The following GPC6 variants were observed in gnomAD, a reference collection of about 807,000 sequenced individuals.
GPC6 encodes the protein glypican-6.
GPC6 carries 14 observed loss-of-function variants against 55.2 expected under a neutral mutation model. The observed-to-expected ratio is 0.25, with a 90% confidence interval of 0.17 to 0.40. The LOEUF is 0.40. GPC6 is among the 10% of genes least tolerant of loss of function. The pLI is 1.00. For missense variants in GPC6, 641 were observed against 708.5 expected, an observed-to-expected ratio of 0.90 and a Z score of 1.08; for synonymous variants, 278 against 259.6, an observed-to-expected ratio of 1.07 and a Z score of -0.68.
chr13:93,648,480 C>T (rs1204376430), intron 2 of GPC6, among the ~76,000 whole-genome samples: 1 of 152,160 alleles, frequency 6.6e-6, no homozygotes, highest in African/African-American at 2.4e-5. Context: ...GATTTGTGAT[C>T]ATATTTGGCC....
chr13:94,178,277 A>C (rs187486443), intron 4 of GPC6, among the ~76,000 whole-genome samples: 6 of 152,130 alleles, frequency 3.9e-5, no homozygotes, highest in African/African-American at 1.4e-4. Flanking sequence ...GATTACAGGC[A>C]TGAGCCATCG....
chr13:93,784,814 C>T (rs1003007855), intron 2 of GPC6, among the ~76,000 whole-genome samples: 1 of 152,118 alleles, frequency 6.6e-6, no homozygotes, highest in African/African-American at 2.4e-5. Context: ...TATGGTGCCT[C>T]AACACATGTA....
chr13:93,378,792 T>TA (rs2139201237), intron 1 of GPC6, among the ~76,000 whole-genome samples: 1 of 152,116 alleles, frequency 6.6e-6, no homozygotes, highest in South Asian at 2.1e-4. Context: ...GGTCAGGAGT[T>TA]AGAGACCAGC....
rs1025787839 is a variant in GPC6, at chr13:93,258,791, T to TA, written c.160+31184dup. Among the ~76,000 whole-genome samples the TA allele has an allele frequency of 4.3e-4, 65 of 150,864 alleles. No individual in the cohort carries two copies. In the East Asian group the frequency reaches 0.011, roughly 26 times the overall value. Reference sequence around the variant, plus strand: ...CCATCTCTACAGAAAAAATAAAAAATAAAAAAAAATTAGCCTGGTGTGATG... The same window carrying TA: ...CCATCTCTACAGAAAAAATAAAAAATAAAAAAAAAATTAGCCTGGTGTGATG... On this transcript the variant is annotated intron_variant, in intron 1 of 8. Coordinates refer to ENST00000377047, the MANE Select transcript of GPC6 (RefSeq NM_005708.5).
chr13:93,738,783 T>G (rs567004806), intron 2 of GPC6, among the ~76,000 whole-genome samples: 65 of 152,282 alleles, frequency 4.3e-4, no homozygotes, highest in African/African-American at 1.5e-3. Flanking sequence ...ATTCTGATAC[T>G]TTATGAAAGG....
At chr13:93,948,855 T>C (rs769784580) in intron 3 of GPC6, among the ~76,000 whole-genome samples, 2 of 152,230 alleles carry the variant, frequency 1.3e-5, no homozygotes, top group African/African-American at 2.4e-5. Context: ...TTTGGTTTGC[T>C]TGTTTTTTGT....
chr13:93,942,968 C>A (rs1878808885), intron 3 of GPC6, among the ~76,000 whole-genome samples: 1 of 152,034 alleles, frequency 6.6e-6, no homozygotes, highest in African/African-American at 2.4e-5. Flanking sequence ...AAATATCTAC[C>A]TCTCTTTGCA....
In GPC6 at chr13:93,822,829, TTTA is replaced by T. The variant is rs530559267; in HGVS notation, c.320-7301_320-7299del. Among the ~76,000 whole-genome samples the T allele has an allele frequency of 8.2e-3, 1,217 of 148,460 alleles. 22 individuals are homozygous for T. The highest frequency in any genetic ancestry group is 0.023 in the African/African-American group (920 of 40,372). ...CATGGTGTATAAGTGCCACATTTTC[TTTA>T]TTATTATTATTATTATTATTATTTT... On this transcript the variant is annotated intron_variant, in intron 2 of 8. Coordinates refer to ENST00000377047, the MANE Select transcript of GPC6 (RefSeq NM_005708.5).
intron 2 of GPC6, among the ~76,000 whole-genome samples, chr13:93,612,479 A>G (rs1878516728): frequency 6.8e-6 from 1 of 147,392 alleles, no homozygotes; most frequent in Non-Finnish European, 1.5e-5. Context: ...AGCCTGGGCG[A>G]TAGTGCGAGA....
chr13:94,368,722 G>A (rs962964662), intron 6 of GPC6, among the ~76,000 whole-genome samples: 1 of 152,128 alleles, frequency 6.6e-6, no homozygotes, highest in Non-Finnish European at 1.5e-5. Context: ...TGTGTTTCCC[G>A]AGGGAGTGAG....
At chr13:93,390,596 G>C (rs571385702) in intron 1 of GPC6, among the ~76,000 whole-genome samples, 13 of 152,174 alleles carry the variant, frequency 8.5e-5, no homozygotes, top group African/African-American at 3.1e-4. Flanking sequence ...GAACTTTAAA[G>C]GCATTTAGTT....
At chr13:93,443,819 A>G (rs1172967269) in intron 1 of GPC6, among the ~76,000 whole-genome samples, 1 of 152,220 alleles carries the variant, frequency 6.6e-6, no homozygotes, top group Non-Finnish European at 1.5e-5. Flanking sequence ...AGGAGTGTGA[A>G]CTTGATTCTG....
At chr13:93,678,240 G>A (rs1204542082) in intron 2 of GPC6, among the ~76,000 whole-genome samples, 1 of 151,982 alleles carries the variant, frequency 6.6e-6, no homozygotes, top group African/African-American at 2.4e-5. Flanking sequence ...AGAGAACTTT[G>A]CATACCAGTA....
At chr13:94,152,125 G>C (rs918617119) in intron 4 of GPC6, among the ~76,000 whole-genome samples, 5 of 152,116 alleles carry the variant, frequency 3.3e-5, no homozygotes, top group African/African-American at 4.8e-5. Flanking sequence ...GGCACTCTAT[G>C]GCAGCCACAA....
At chr13:93,404,384 A>C (rs1224732602) in intron 1 of GPC6, among the ~76,000 whole-genome samples, 1 of 152,122 alleles carries the variant, frequency 6.6e-6, no homozygotes. Flanking sequence ...CTAGGCTTTT[A>C]CTCATGGCAG....
rs2139238557 is a variant in GPC6 at position 94,406,644 on chromosome 13, A to AT, written c.*3432dup. 1 of 152,270 alleles carries AT rather than the reference A, an allele frequency of 6.6e-6. No individual in the cohort carries two copies. The highest frequency in any genetic ancestry group is 1.5e-5 in the Non-Finnish European group (1 of 67,966). 9.4% of individuals were successfully genotyped at this position (152,270 alleles called of 1,614,324 possible). ...AAATATTATTACAGGCAGAACCCTG[A>AT]TTTTTAATTTATATTCCCTGCTGCA... On this transcript the variant is annotated 3_prime_UTR_variant, in exon 9 of 9. Transcript: ENST00000377047.
intron 1 of GPC6, among the ~76,000 whole-genome samples, chr13:93,297,999 C>G (rs146278399): frequency 6.6e-6 from 1 of 152,122 alleles, no homozygotes; most frequent in East Asian, 1.9e-4. Flanking sequence ...TTAGGTTCAC[C>G]TAGACTAATC....
intron 1 of GPC6, among the ~76,000 whole-genome samples, chr13:93,445,008 AC>A (rs1350239629): frequency 6.6e-6 from 1 of 152,132 alleles, no homozygotes; most frequent in Non-Finnish European, 1.5e-5. Context: ...TATGTAACTT[AC>A]TTTTTATTAT....
chr13:93,594,738 A>G (rs1192870499), intron 2 of GPC6, among the ~76,000 whole-genome samples: 1 of 151,938 alleles, frequency 6.6e-6, no homozygotes, highest in East Asian at 1.9e-4. Context: ...TCCAATATCA[A>G]GGCACTAGCA....
Sources: allele counts gnomAD v4.1 joint callset (sites outside exome capture counted in the v4.1 genomes callset), GRCh38; gene constraint gnomAD v4.1.1; transcripts MANE v1.5; gene names NCBI Gene and HGNC (gene_info 2026-07-23, HGNC 2026-07-21).